KCNMA1: variants seen among roughly 807,000 people sequenced by gnomAD.
KCNMA1 encodes the protein potassium calcium-activated channel subfamily M alpha 1.
A neutral mutation model predicts 140.0 loss-of-function variants in KCNMA1; 29 were observed. That is an observed-to-expected ratio of 0.21 (90% CI 0.15 to 0.28). KCNMA1 has a LOEUF of 0.28. Among genes scored for constraint, KCNMA1 ranks in the 10% least tolerant of loss-of-function variants. The pLI is 1.00. For synonymous variants in KCNMA1, 612 were observed against 611.9 expected (o/e 1.00, Z 0.00); for missense variants, 880 against 1,602.2 (o/e 0.55, Z 7.70).
At chr10:77,450,325 G>A (rs1037765158) in intron 1 of KCNMA1, among the ~76,000 whole-genome samples, 1 of 152,130 alleles carries the variant, frequency 6.6e-6, no homozygotes, top group Non-Finnish European at 1.5e-5. Context: ...CAAAGTGCTG[G>A]GAGTACAGGC....
intron 5 of KCNMA1, among the ~76,000 whole-genome samples, chr10:77,141,584 C>T (rs1174217116): frequency 6.6e-6 from 1 of 152,216 alleles, no homozygotes; most frequent in East Asian, 1.9e-4. Flanking sequence ...AGATGTCCAG[C>T]TTTCAGAACT....
chr10:77,569,922 C>T (rs2070252828), intron 1 of KCNMA1, among the ~76,000 whole-genome samples: 1 of 152,074 alleles, frequency 6.6e-6, no homozygotes, highest in Non-Finnish European at 1.5e-5. Context: ...AAAAAGTGGG[C>T]AAAGGACATG....
chr10:77,362,365 C>CCACACACACACACACACA (rs138917552), intron 2 of KCNMA1, among the ~76,000 whole-genome samples: 2 of 119,048 alleles, frequency 1.7e-5, no homozygotes, highest in Non-Finnish European at 3.4e-5. Context: ...CCCCCCCACC[C>CCACACACACACACACACA]CACACACACA....
intron 2 of KCNMA1, among the ~76,000 whole-genome samples, chr10:77,372,393 A>T (rs1024142592): frequency 6.6e-6 from 1 of 152,146 alleles, no homozygotes; most frequent in African/African-American, 2.4e-5. Flanking sequence ...TAGTCCCTAT[A>T]TCTTAACATC....
chr10:76,892,646 G>A (rs1451538369), intron 25 of KCNMA1, among the ~76,000 whole-genome samples: 4 of 152,138 alleles, frequency 2.6e-5, no homozygotes, highest in Non-Finnish European at 5.9e-5. Context: ...CACCTCAGCA[G>A]CTTCTTAGAG....
At chr10:77,241,468 A>AC (rs958922419) in intron 3 of KCNMA1, among the ~76,000 whole-genome samples, 3 of 141,252 alleles carry the variant, frequency 2.1e-5, no homozygotes, top group South Asian at 2.5e-4. Flanking sequence ...ACACAGTGAG[A>AC]CCCCCCCATC....
chr10:77,483,139 T>C (rs1340086795), intron 1 of KCNMA1, among the ~76,000 whole-genome samples: 1 of 152,138 alleles, frequency 6.6e-6, no homozygotes, highest in Non-Finnish European at 1.5e-5. Context: ...TTCAAGGGTT[T>C]AGAGGGGCCA....
intron 1 of KCNMA1, among the ~76,000 whole-genome samples, chr10:77,589,235 G>C (rs776488375): frequency 3.3e-5 from 5 of 152,192 alleles, no homozygotes; most frequent in African/African-American, 4.8e-5. Context: ...AGGAAAGATA[G>C]AGTAATTTAG....
chr10:76,975,519 A>G (rs1376447491), intron 19 of KCNMA1: 1 of 152,280 alleles, frequency 6.6e-6, no homozygotes, highest in African/African-American at 2.4e-5. Flanking sequence ...GTAAAGGAGC[A>G]CTTGACTGCT....
chr10:77,233,650 A>G (rs542885851), intron 3 of KCNMA1, among the ~76,000 whole-genome samples: 3 of 152,294 alleles, frequency 2.0e-5, no homozygotes, highest in South Asian at 2.1e-4. Context: ...AAAGTTATCT[A>G]CTGGGAAATC....
chr10:76,999,358 T>C (rs1330346294), intron 19 of KCNMA1, among the ~76,000 whole-genome samples: 1 of 152,230 alleles, frequency 6.6e-6, no homozygotes, highest in Non-Finnish European at 1.5e-5. Context: ...AGTGGCTCCT[T>C]TCTTTTCTCC....
intron 1 of KCNMA1, among the ~76,000 whole-genome samples, chr10:77,423,753 T>C (rs2096918386): frequency 6.6e-6 from 1 of 152,202 alleles, no homozygotes; most frequent in Admixed American, 6.5e-5. Flanking sequence ...AAAGCCACGC[T>C]TTCTGCTGCA....
At chr10:76,876,094 C>T (rs959664503), downstream of KCNMA1, 1 of 152,622 alleles carries the variant, frequency 6.6e-6, no homozygotes, top group Non-Finnish European at 1.5e-5. Flanking sequence ...CTCATTTTGC[C>T]TACGCTGGTA....
At chr10:77,429,634 A>G (rs1367122728) in intron 1 of KCNMA1, among the ~76,000 whole-genome samples, 1 of 152,222 alleles carries the variant, frequency 6.6e-6, no homozygotes, top group East Asian at 1.9e-4. Flanking sequence ...GTAGTCTATT[A>G]AAGGCCCTAA....
chr10:76,920,020 G>GTA (rs1169838049), intron 23 of KCNMA1, among the ~76,000 whole-genome samples: 2,475 of 34,338 alleles, frequency 0.072, 274 homozygotes, highest in Non-Finnish European at 0.11. Flanking sequence ...GTGTGTGTGT[G>GTA]TATATATATA....
At chr10:77,040,764 A>AC (rs1254326231) in intron 14 of KCNMA1, among the ~76,000 whole-genome samples, 3 of 152,146 alleles carry the variant, frequency 2.0e-5, no homozygotes, top group Admixed American at 1.3e-4. Context: ...GATTTTTCTG[A>AC]CCCCCCAAGG....
chr10:77,415,211 A>G (rs1255198160), intron 1 of KCNMA1, among the ~76,000 whole-genome samples: 1 of 152,180 alleles, frequency 6.6e-6, no homozygotes, highest in Non-Finnish European at 1.5e-5. Flanking sequence ...CAACCTCCAA[A>G]CTTTCAGGGC....
At chr10:76,975,697 A>G (rs968040554) in intron 19 of KCNMA1, among the ~76,000 whole-genome samples, 1 of 152,214 alleles carries the variant, frequency 6.6e-6, no homozygotes, top group African/African-American at 2.4e-5. Flanking sequence ...ATGTCCTTGG[A>G]ATGAGAGTTT....
At chr10:77,611,632 T>C (rs1372145358) in intron 1 of KCNMA1, among the ~76,000 whole-genome samples, 2 of 137,104 alleles carry the variant, frequency 1.5e-5, no homozygotes, top group Non-Finnish European at 3.2e-5. Context: ...TGTGACTTAT[T>C]ATCATTTTTT....
Sources: gnomAD v4.1 joint callset for allele counts (sites outside exome capture counted in the v4.1 genomes callset) on GRCh38, gnomAD v4.1.1 for gene constraint, MANE v1.5 for transcripts, NCBI Gene and HGNC (gene_info 2026-07-23, HGNC 2026-07-21) for gene names.